The following ALPK1 variants were observed in gnomAD, a reference collection of about 807,000 sequenced individuals.
The protein encoded by ALPK1 is alpha kinase 1, also known as alpha-protein kinase 1.
ALPK1 carries 110 observed loss-of-function variants against 120.6 expected under a neutral mutation model. The observed-to-expected ratio is 0.91, with a 90% CI of 0.78 to 1.07. The LOEUF is 1.07. Ranked by LOEUF, ALPK1 falls within the 50% of genes least tolerant of loss-of-function variation. The pLI is 0.00. For missense variants in ALPK1, 1,498 were observed against 1,483.9 expected (o/e 1.01, Z -0.16); for synonymous variants, 582 against 560.3 (o/e 1.04, Z -0.55).
intron 4 of ALPK1, among the ~76,000 whole-genome samples, chr4:112,400,575 C>T (rs1479311610): frequency 2.0e-5 from 3 of 152,090 alleles, no homozygotes; most frequent in African/African-American, 7.2e-5. Context: ...TTTTTTCCAG[C>T]CATTTTCACT....
chr4:112,316,465 A>G (rs552386469), intron 2 of ALPK1, among the ~76,000 whole-genome samples: 1 of 152,320 alleles, frequency 6.6e-6, no homozygotes, highest in African/African-American at 2.4e-5. Context: ...CATGTAATGG[A>G]CATGGGTATA....
intron 2 of ALPK1, among the ~76,000 whole-genome samples, chr4:112,355,632 G>A (rs1730568147): frequency 6.6e-6 from 1 of 152,178 alleles, no homozygotes; most frequent in Non-Finnish European, 1.5e-5. Context: ...AGGAGGAGAC[G>A]GGCGGGACCC....
chr4:112,430,821 C>T lies in ALPK1; in HGVS notation c.1274C>T (p.Ser425Leu). 6.2e-7 allele frequency: 1 copy of T among 1,614,218 alleles called. No individual in the cohort carries two copies. Among genetic ancestry groups the T allele is most frequent in the Non-Finnish European group, 8.5e-7 (1 of 1,180,042 alleles). ...GAACATTTACAAGTTCAAAGCTTCT[C>T]AAATGTAGATGACAGATCTTATGTT... ...VKEHLQVQSF[S>L]NVDDRSYVPE... The change falls in exon 11 of 16, where the codon TCA becomes TTA. Residue 425 changes from serine to leucine, a missense_variant. By Grantham distance (145) the Ser-to-Leu change is moderately radical. Coordinates refer to ENST00000650871, the MANE Select transcript of ALPK1 (RefSeq NM_025144.4).
intron 4 of ALPK1, among the ~76,000 whole-genome samples, chr4:112,397,525 C>G (rs1186910533): frequency 6.6e-6 from 1 of 152,194 alleles, no homozygotes; most frequent in Non-Finnish European, 1.5e-5. Flanking sequence ...ATCGAGACCT[C>G]TACGTCTTCT....
At chr4:112,330,576 C>T (rs1729324684) in intron 2 of ALPK1, among the ~76,000 whole-genome samples, 1 of 152,168 alleles carries the variant, frequency 6.6e-6, no homozygotes, top group Non-Finnish European at 1.5e-5. Flanking sequence ...TGAGAGGTTC[C>T]ACTCCTGCTT....
chr4:112,415,672 A>G (rs989094811), intron 5 of ALPK1, among the ~76,000 whole-genome samples: 1 of 152,070 alleles, frequency 6.6e-6, no homozygotes. Context: ...AAAAGAAAAA[A>G]AAAGAGAAAG....
chr4:112,330,363 T>G (rs1477263992), intron 2 of ALPK1, among the ~76,000 whole-genome samples: 1 of 152,194 alleles, frequency 6.6e-6, no homozygotes, highest in African/African-American at 2.4e-5. Flanking sequence ...ATTTACAGCC[T>G]AAGCTATAAA....
At chr4:112,339,408 A>G (rs1309052754) in intron 2 of ALPK1, among the ~76,000 whole-genome samples, 1 of 152,280 alleles carries the variant, frequency 6.6e-6, no homozygotes, top group Non-Finnish European at 1.5e-5. Context: ...AGACATCTTC[A>G]ATAGCAATTT....
intron 10 of ALPK1, 117 bp from the exon 11 acceptor site, chr4:112,430,331 A>G (rs903624485): frequency 2.0e-6 from 2 of 1,009,824 alleles, no homozygotes; most frequent in African/African-American, 3.3e-5. Flanking sequence ...TGTATGTGGC[A>G]TGTGTTCATT....
intron 7 of ALPK1, 84 bp downstream of exon 7, chr4:112,425,835 A>T: frequency 8.4e-7 from 1 of 1,186,666 alleles, no homozygotes; most frequent in Non-Finnish European, 1.2e-6. Context: ...TTCTTCTTTT[A>T]TCAGGCTAAA....
intron 5 of ALPK1, among the ~76,000 whole-genome samples, chr4:112,423,473 A>G (rs1422314772): frequency 2.6e-5 from 4 of 152,218 alleles, no homozygotes; most frequent in African/African-American, 9.6e-5. Context: ...TGTCCATAGA[A>G]TAGGCCCTTC....
In ALPK1 at chr4:112,432,092, T is replaced by A. The variant is rs769337180; in HGVS notation, c.2545T>A (p.Ser849Thr). 1 of 1,614,146 alleles carries A rather than the reference T, an allele frequency of 6.2e-7. No individual in the cohort carries two copies. Among genetic ancestry groups the A allele is most frequent in the Non-Finnish European group, 8.5e-7 (1 of 1,180,010 alleles). ...VAEQGIDPDA[S>T]TVDEEGQLLD... Reference sequence around the variant, plus strand: ...AGAGCAGGGCATCGACCCTGATGCCTCCACAGTGGATGAGGAGGGGCAACT... The same window carrying A: ...AGAGCAGGGCATCGACCCTGATGCCACCACAGTGGATGAGGAGGGGCAACT... The change falls in exon 11 of 16, where the codon TCC (serine) becomes ACC (threonine). Residue 849 changes from serine (S) to threonine (T), a missense_variant. Physicochemically the swap from Ser to Thr is moderately conservative, Grantham distance 58 (BLOSUM62 1). Transcript: ENST00000650871.
intron 2 of ALPK1, chr4:112,357,805 T>C (rs1214511834): frequency 2.0e-6 from 2 of 1,021,172 alleles, no homozygotes; most frequent in Non-Finnish European, 3.1e-6. Context: ...CTTCCCTTCA[T>C]ATCCCATCAT....
chr4:112,305,138 T>C (rs1280987074), intron 1 of ALPK1, among the ~76,000 whole-genome samples: 2 of 152,098 alleles, frequency 1.3e-5, no homozygotes, highest in African/African-American at 4.8e-5. Flanking sequence ...TACCATGCTG[T>C]TTTGGTTACC....
intron 2 of ALPK1, 96 bp from the exon 3 acceptor site, chr4:112,377,582 T>A (rs1329731449): frequency 2.2e-6 from 1 of 463,194 alleles, no homozygotes; most frequent in East Asian, 4.0e-5. Context: ...TGTCATGTAT[T>A]TTCCTCTGTT....
chr4:112,363,697 T>G (rs2148718531), intron 2 of ALPK1, among the ~76,000 whole-genome samples: 1 of 152,264 alleles, frequency 6.6e-6, no homozygotes, highest in East Asian at 1.9e-4. Flanking sequence ...ATACAACAAA[T>G]GGACTTCACA....
intron 2 of ALPK1, among the ~76,000 whole-genome samples, chr4:112,318,616 A>G (rs1350062748): frequency 1.3e-5 from 2 of 152,264 alleles, no homozygotes; most frequent in Non-Finnish European, 2.9e-5. Flanking sequence ...AAGTACCTTT[A>G]TAACCTAAGA....
chr4:112,356,550 C>A, intron 2 of ALPK1: 5 of 826,054 alleles, frequency 6.1e-6, no homozygotes, highest in Non-Finnish European at 1.1e-5. Flanking sequence ...GCTGGGCTCC[C>A]GGGAGCAGCT....
At chr4:112,317,234 T>C (rs1188631864) in intron 2 of ALPK1, among the ~76,000 whole-genome samples, 1 of 152,190 alleles carries the variant, frequency 6.6e-6, no homozygotes, top group Non-Finnish European at 1.5e-5. Context: ...CCCAGAGTTT[T>C]CAATTTTGAT....
Sources: allele counts gnomAD v4.1 joint callset (sites outside exome capture counted in the v4.1 genomes callset), GRCh38; gene constraint gnomAD v4.1.1; transcripts MANE v1.5; gene names NCBI Gene and HGNC (gene_info 2026-07-23, HGNC 2026-07-21).